RASAL2: variants seen among roughly 807,000 people sequenced by gnomAD.
The protein encoded by RASAL2 is ras GTPase-activating protein nGAP.
In RASAL2, 58 loss-of-function variants were observed where a neutral mutation model predicts 128.9. The observed-to-expected ratio is 0.45, with a 90% CI of 0.36 to 0.56. RASAL2 has a LOEUF of 0.56. Among genes scored for constraint, RASAL2 ranks in the 20% least tolerant of loss-of-function variants. The pLI is 0.00. For missense variants in RASAL2, 1,360 were observed against 1,601.6 expected (o/e 0.85, Z 2.57); for synonymous variants, 561 against 580.8 (o/e 0.97, Z 0.49).
At chr1:178,235,600 G>A (rs576406013) in intron 1 of RASAL2, among the ~76,000 whole-genome samples, 154 of 143,638 alleles carry the variant, frequency 1.1e-3, no homozygotes, top group South Asian at 3.6e-3. Flanking sequence ...CTTCGTGTGC[G>A]TGTGTGTGTG....
At chr1:178,214,287 G>T (rs574449026) in intron 1 of RASAL2, among the ~76,000 whole-genome samples, 2 of 151,136 alleles carry the variant, frequency 1.3e-5, no homozygotes, top group Non-Finnish European at 2.9e-5. Context: ...ATGAATGAAT[G>T]AATGAATGGA....
chr1:178,449,403 C>T (rs143368642), intron 9 of RASAL2, among the ~76,000 whole-genome samples: 3 of 152,206 alleles, frequency 2.0e-5, no homozygotes, highest in East Asian at 1.9e-4. Context: ...AGGTTTCTTT[C>T]GGCAGTAATA....
At chr1:178,113,511 A>AGT (rs61642582) in intron 1 of RASAL2, among the ~76,000 whole-genome samples, 6,420 of 121,950 alleles carry the variant, frequency 0.053, 188 homozygotes, top group East Asian at 0.069. Context: ...CATGCCTGCG[A>AGT]GTGTGTGTGT....
chr1:178,397,728 G>C (rs1181806367), intron 4 of RASAL2, among the ~76,000 whole-genome samples: 1 of 151,552 alleles, frequency 6.6e-6, no homozygotes, highest in Non-Finnish European at 1.5e-5. Context: ...TCCCACCTCA[G>C]CTGTGAAGCT....
At position 178,458,548 on chromosome 1, in the gene RASAL2, G is replaced by A. The variant is rs755399017; in HGVS notation, c.3252+4G>A. On this transcript the variant is annotated splice_donor_region_variant and intron_variant, in intron 14 of 17. Transcript: ENST00000367649. ...CCAGAGACAACAGACACAGCAGGTA[G>A]GTGTGAGTGCTGAAGGGGCCTGGCT... 1.9e-5 allele frequency: 30 copies of A among 1,599,564 alleles called. No individual in the cohort carries two copies. The Admixed American group carries it at 3.8e-4, about 20-fold the overall frequency.
chr1:178,172,083 T>C (rs1661724619), intron 1 of RASAL2, among the ~76,000 whole-genome samples: 1 of 152,022 alleles, frequency 6.6e-6, no homozygotes, highest in South Asian at 2.1e-4. Context: ...AGTTTGAAAC[T>C]GTTATTGACT....
At chr1:178,133,287 T>C (rs559862269) in intron 1 of RASAL2, among the ~76,000 whole-genome samples, 6 of 152,206 alleles carry the variant, frequency 3.9e-5, no homozygotes, top group Non-Finnish European at 8.8e-5. Flanking sequence ...CTTTTTGTTA[T>C]AAATATTATC....
At chr1:178,419,619 C>A (rs991850485) in intron 4 of RASAL2, among the ~76,000 whole-genome samples, 1 of 152,126 alleles carries the variant, frequency 6.6e-6, no homozygotes, top group African/African-American at 2.4e-5. Context: ...TATAAGATTC[C>A]TTTCACCTGC....
intron 1 of RASAL2, chr1:178,121,041 ATTTCCT>A (rs1373755838): frequency 1.3e-5 from 2 of 152,100 alleles, no homozygotes; most frequent in African/African-American, 4.8e-5. Context: ...GGTCCCAGTA[ATTTCCT>A]TTTCCTCAAG....
At chr1:178,446,023 A>G (rs566853527) in intron 9 of RASAL2, among the ~76,000 whole-genome samples, 1 of 152,276 alleles carries the variant, frequency 6.6e-6, no homozygotes, top group South Asian at 2.1e-4. Flanking sequence ...TGTTACCCTG[A>G]CATTTGTTAT....
intron 5 of RASAL2, among the ~76,000 whole-genome samples, chr1:178,424,161 G>A (rs1195303856): frequency 6.6e-6 from 1 of 151,302 alleles, no homozygotes; most frequent in Non-Finnish European, 1.5e-5. Flanking sequence ...TATCTGGAGC[G>A]ATCCAGAGGA....
chr1:178,368,806 T>G (rs1319288233), intron 3 of RASAL2, among the ~76,000 whole-genome samples: 1 of 151,782 alleles, frequency 6.6e-6, no homozygotes, highest in African/African-American at 2.4e-5. Context: ...TCCGGCTAAT[T>G]TTTGCATTTT....
rs1258132375 is a variant in RASAL2, at chr1:178,300,018, GCAGA to G, written c.362_365del (p.Thr121IlefsTer8). Reference sequence around the variant, plus strand: ...TACCTGTGGAAGGGGGACAGGAGCAGCAGACAGATTCCACCAAAGGGCGATGCCT... The same window carrying G: ...TACCTGTGGAAGGGGGACAGGAGCAGCAGATTCCACCAAAGGGCGATGCCT... On this transcript the variant is annotated frameshift_variant, in exon 3 of 18. Transcript: ENST00000367649. LOFTEE classifies it high-confidence loss of function. 1.2e-6 allele frequency: 2 copies of G among 1,613,862 alleles called. No individual in the cohort carries two copies. Among genetic ancestry groups the G allele is most frequent in the African/African-American group, 2.7e-5 (2 of 74,916 alleles).
chr1:178,405,345 A>G (rs563295393), intron 4 of RASAL2, among the ~76,000 whole-genome samples: 2 of 152,256 alleles, frequency 1.3e-5, no homozygotes, highest in Non-Finnish European at 2.9e-5. Context: ...AGAGTAGAAT[A>G]GTGGTTCCTC....
chr1:178,460,240 C>T (rs914630839), intron 14 of RASAL2, among the ~76,000 whole-genome samples: 5 of 152,156 alleles, frequency 3.3e-5, no homozygotes, highest in Admixed American at 2.6e-4. Context: ...GGAAAGTGTC[C>T]TCCACCTGCT....
Position 178,243,899 on chromosome 1 carries a change from T to C in RASAL2, c.203-39665T>C, listed in dbSNP as rs533936131. Among the ~76,000 whole-genome samples, 49 of 152,344 alleles carry C rather than the reference T, an allele frequency of 3.2e-4. No homozygotes were observed. The East Asian group carries it at 9.4e-3, about 29-fold the overall frequency. ...ATCTTGTCTGGCCCAAGACTTTTTC[T>C]TAATCTTTTGTTATTCATATCATTT... On this transcript the variant is annotated intron_variant, in intron 1 of 17. Transcript: ENST00000367649.
chr1:178,385,889 T>G (rs1672538756), intron 3 of RASAL2, among the ~76,000 whole-genome samples: 1 of 152,216 alleles, frequency 6.6e-6, no homozygotes, highest in Admixed American at 6.5e-5. Context: ...CCTTACCTCC[T>G]AAAGTATTGA....
chr1:178,191,052 T>C (rs1662477432), intron 1 of RASAL2, among the ~76,000 whole-genome samples: 1 of 152,204 alleles, frequency 6.6e-6, no homozygotes, highest in Non-Finnish European at 1.5e-5. Flanking sequence ...AAACAGCTAC[T>C]GTTCACTCCA....
At chr1:178,415,166 T>G (rs1423484005) in intron 4 of RASAL2, among the ~76,000 whole-genome samples, 1 of 152,172 alleles carries the variant, frequency 6.6e-6, no homozygotes, top group East Asian at 1.9e-4. Flanking sequence ...AGTATTGGGT[T>G]TAGATCTTTC....
Sources: allele counts gnomAD v4.1 joint callset (sites outside exome capture counted in the v4.1 genomes callset), GRCh38; gene constraint gnomAD v4.1.1; transcripts MANE v1.5; gene names NCBI Gene and HGNC (gene_info 2026-07-23, HGNC 2026-07-21).